Variants in EPHA6 observed in about 807,000 individuals in gnomAD.
The protein encoded by EPHA6 is ephrin type-A receptor 6.
Under a neutral mutation model 112.0 loss-of-function variants are expected in EPHA6, and 50 were observed. The ratio of observed to expected loss-of-function variants is 0.45; its 90% CI spans 0.36 to 0.56. The LOEUF is 0.56. EPHA6 is among the 20% of genes least tolerant of loss of function. EPHA6 has a pLI of 0.00. For synonymous variants in EPHA6, 529 were observed against 490.7 expected (o/e 1.08, Z -1.03); for missense variants, 1,280 against 1,417.4 (o/e 0.90, Z 1.56).
chr3:96,889,369 C>G (rs72933461), intron 2 of EPHA6, among the ~76,000 whole-genome samples: 6,699 of 152,136 alleles, frequency 0.044, 483 homozygotes, highest in African/African-American at 0.14. Context: ...CTAATAAAGA[C>G]GTATCCGAGA....
intron 14 of EPHA6, among the ~76,000 whole-genome samples, chr3:97,666,878 T>C (rs1175346619): frequency 6.6e-6 from 1 of 152,206 alleles, no homozygotes; most frequent in Admixed American, 6.5e-5. Flanking sequence ...TTTAATTCAA[T>C]AAATATTTCT....
At position 97,085,948 on chromosome 3, in the gene EPHA6, T is replaced by TATATATATATATAC. The variant is rs984404779; in HGVS notation, c.1114+97956_1114+97957insTATATATATATACA. On this transcript the variant is annotated intron_variant, in intron 3 of 17. Transcript: ENST00000389672. The stretch of plus-strand genomic sequence containing the variant: ...GATGTCATATATATATATATATATA[T>TATATATATATATAC]ACACACTGAGATGGAGTCTCTTGTC... Among the ~76,000 whole-genome samples, 23 of 145,166 alleles carry TATATATATATATAC rather than the reference T, an allele frequency of 1.6e-4. 1 individual carries two copies. Among genetic ancestry groups the TATATATATATATAC allele is most frequent in the African/African-American group, 6.3e-4 (23 of 36,330 alleles).
intron 13 of EPHA6, among the ~76,000 whole-genome samples, chr3:97,624,773 A>G (rs554621142): frequency 2.1e-4 from 32 of 151,588 alleles, no homozygotes. Context: ...TTCATCATCT[A>G]GTCTTGATAG....
At chr3:96,920,896 T>C (rs2039724232) in intron 2 of EPHA6, among the ~76,000 whole-genome samples, 1 of 152,032 alleles carries the variant, frequency 6.6e-6, no homozygotes, top group South Asian at 2.1e-4. Flanking sequence ...AAACAGTAGT[T>C]TATATAGCCT....
At chr3:97,467,535 A>T (rs2091094532) in intron 7 of EPHA6, among the ~76,000 whole-genome samples, 2 of 151,876 alleles carry the variant, frequency 1.3e-5, no homozygotes, top group African/African-American at 4.8e-5. Context: ...AAAATTGAAC[A>T]TCATTGGTTC....
intron 3 of EPHA6, among the ~76,000 whole-genome samples, chr3:97,029,313 A>T (rs1401822287): frequency 6.6e-6 from 1 of 151,674 alleles, no homozygotes; most frequent in Non-Finnish European, 1.5e-5. Flanking sequence ...TATAAATTAC[A>T]TAAAAATTTT....
At chr3:96,977,298 A>G (rs1256428211) in intron 2 of EPHA6, among the ~76,000 whole-genome samples, 2 of 152,208 alleles carry the variant, frequency 1.3e-5, no homozygotes, top group Admixed American at 1.3e-4. Context: ...TCTCATTTAT[A>G]AGTGGGAGCT....
chr3:96,973,103 G>A (rs568726588), intron 2 of EPHA6, among the ~76,000 whole-genome samples: 3 of 152,272 alleles, frequency 2.0e-5, no homozygotes, highest in South Asian at 2.1e-4. Flanking sequence ...TACCCAAAAG[G>A]AATCTGGTTT....
At chr3:97,745,740 T>C (rs1437242811) in intron 16 of EPHA6, among the ~76,000 whole-genome samples, 2 of 151,838 alleles carry the variant, frequency 1.3e-5, no homozygotes, top group African/African-American at 4.8e-5. Context: ...AAGGGCACCT[T>C]TCAGAATCTT....
chr3:97,606,818 T>A (rs1434293379), intron 12 of EPHA6, among the ~76,000 whole-genome samples: 2 of 151,128 alleles, frequency 1.3e-5, no homozygotes, highest in East Asian at 3.9e-4. Context: ...TCACTATCTC[T>A]ACAACAGAAA....
intron 2 of EPHA6, among the ~76,000 whole-genome samples, chr3:96,959,791 G>A (rs918357000): frequency 5.9e-5 from 9 of 151,506 alleles, no homozygotes; most frequent in Admixed American, 4.6e-4. Context: ...AAATCAAAAC[G>A]AAACATAGAA....
chr3:97,321,075 A>T (rs1004543678), intron 5 of EPHA6, among the ~76,000 whole-genome samples: 3 of 151,878 alleles, frequency 2.0e-5, no homozygotes, highest in African/African-American at 7.3e-5. Flanking sequence ...TCTAAGATTC[A>T]TCACGGTGGA....
chr3:97,010,649 A>T (rs1414052425), intron 3 of EPHA6, among the ~76,000 whole-genome samples: 1 of 151,966 alleles, frequency 6.6e-6, no homozygotes, highest in Admixed American at 6.6e-5. Flanking sequence ...ATTTAAAAAA[A>T]TTATTTTTAT....
intron 2 of EPHA6, among the ~76,000 whole-genome samples, chr3:96,920,276 A>G (rs2039691464): frequency 6.6e-6 from 1 of 151,988 alleles, no homozygotes; most frequent in Non-Finnish European, 1.5e-5. Context: ...TAATTGATAG[A>G]AAAAGGGACT....
At chr3:96,852,199 A>C (rs1340731300) in intron 1 of EPHA6, among the ~76,000 whole-genome samples, 1 of 152,042 alleles carries the variant, frequency 6.6e-6, no homozygotes, top group African/African-American at 2.4e-5. Context: ...GTGCTACATC[A>C]AGAGGGTGTT....
At chr3:97,104,077 T>A (rs2047490170) in intron 3 of EPHA6, among the ~76,000 whole-genome samples, 1 of 152,136 alleles carries the variant, frequency 6.6e-6, no homozygotes, top group Admixed American at 6.6e-5. Context: ...AGATATGGAA[T>A]CATGTCATCT....
rs144344608 is a variant in EPHA6 at position 97,293,900 on chromosome 3, G to A, written c.1606+49613G>A. Among the ~76,000 whole-genome samples, 1,164 of 152,280 alleles carry A rather than the reference G, an allele frequency of 7.6e-3. 26 individuals carry two copies. The highest frequency in any genetic ancestry group is 0.027 in the African/African-American group (1,106 of 41,554). On this transcript the variant is annotated intron_variant, in intron 5 of 17. Coordinates refer to ENST00000389672, the MANE Select transcript of EPHA6 (RefSeq NM_001080448.3). ...CTTCAGCCTCCCCGGCCTGCCTCCC[G>A]TGTTCATCAGTTCCCAAAGTATGGG...
chr3:96,981,171 A>T (rs1053605363), intron 2 of EPHA6, among the ~76,000 whole-genome samples: 11 of 152,114 alleles, frequency 7.2e-5, no homozygotes, highest in African/African-American at 2.2e-4. Context: ...ATTCAGTATG[A>T]TATTGGCTAT....
At chr3:96,869,586 CATAGGCT>C (rs1359824154) in intron 2 of EPHA6, among the ~76,000 whole-genome samples, 1 of 151,924 alleles carries the variant, frequency 6.6e-6, no homozygotes, top group Non-Finnish European at 1.5e-5. Context: ...GACCTGTAAT[CATAGGCT>C]AAACCACATT....
Sources: gnomAD v4.1 joint callset for allele counts (sites outside exome capture counted in the v4.1 genomes callset) on GRCh38, gnomAD v4.1.1 for gene constraint, MANE v1.5 for transcripts, NCBI Gene and HGNC (gene_info 2026-07-23, HGNC 2026-07-21) for gene names.